PABPC4L: variants seen among roughly 807,000 people sequenced by gnomAD.
The protein encoded by PABPC4L is polyadenylate-binding protein 4-like.
For missense variants in PABPC4L, 452 were observed against 451.4 expected, an observed-to-expected ratio of 1.00 and a Z score of -0.01; for synonymous variants, 169 against 164.1, an observed-to-expected ratio of 1.03 and a Z score of -0.23.
chr4:134,055,729 G>A, the PABPC4L span, among the ~76,000 whole-genome samples: 1 of 139,238 alleles, frequency 7.2e-6, no homozygotes, highest in Non-Finnish European at 1.5e-5. Flanking sequence ...CTAGTGCTTT[G>A]TCATAAACAT....
chr4:134,029,890 C>T, the PABPC4L span, among the ~76,000 whole-genome samples: 1 of 151,990 alleles, frequency 6.6e-6, no homozygotes, highest in South Asian at 2.1e-4. Context: ...GTAATTGAAT[C>T]ATGGGGACAG....
At chr4:133,962,176 T>C in the PABPC4L span, among the ~76,000 whole-genome samples, 2 of 152,050 alleles carry the variant, frequency 1.3e-5, no homozygotes, top group African/African-American at 4.8e-5. Flanking sequence ...TTAACCCAAA[T>C]GAGAAGGAAC....
the PABPC4L span, among the ~76,000 whole-genome samples, chr4:134,099,891 T>C: frequency 6.6e-6 from 1 of 151,742 alleles, no homozygotes; most frequent in Non-Finnish European, 1.5e-5. Flanking sequence ...AGTTTCAATT[T>C]TGTAACATCT....
At chr4:133,971,370 C>G in the PABPC4L span, among the ~76,000 whole-genome samples, 10 of 152,132 alleles carry the variant, frequency 6.6e-5, no homozygotes, top group Non-Finnish European at 1.3e-4. Context: ...CTCATTCTTC[C>G]AAAGTGCTGG....
chr4:134,092,492 A>T, the PABPC4L span, among the ~76,000 whole-genome samples: 1 of 152,074 alleles, frequency 6.6e-6, no homozygotes, highest in African/African-American at 2.4e-5. Context: ...CCTGGATACC[A>T]GACAAGAACC....
At chr4:133,970,873 C>A in the PABPC4L span, among the ~76,000 whole-genome samples, 1 of 152,142 alleles carries the variant, frequency 6.6e-6, no homozygotes, top group Non-Finnish European at 1.5e-5. Flanking sequence ...TGACCAGACA[C>A]AAAATCTGCC....
the PABPC4L span, among the ~76,000 whole-genome samples, chr4:134,107,706 T>C: frequency 1.3e-5 from 2 of 151,680 alleles, no homozygotes; most frequent in Non-Finnish European, 3.0e-5. Context: ...GATTGGTTTA[T>C]AAACAGCATA....
the PABPC4L span, among the ~76,000 whole-genome samples, chr4:134,085,870 G>A: frequency 5.9e-5 from 9 of 152,086 alleles, no homozygotes; most frequent in Admixed American, 3.3e-4. Context: ...GAGCATTCAC[G>A]TACATTTCTT....
the PABPC4L span, among the ~76,000 whole-genome samples, chr4:134,061,620 CAGAGAGAGAGAGAGAG>C: frequency 1.9e-4 from 27 of 143,454 alleles, no homozygotes; most frequent in East Asian, 4.3e-4. Flanking sequence ...CAAACATACA[CAGAGAGAGAGAGAGAG>C]AGAGAGAGAG....
chr4:134,009,308 T>C, the PABPC4L span, among the ~76,000 whole-genome samples: 1 of 151,994 alleles, frequency 6.6e-6, no homozygotes, highest in Non-Finnish European at 1.5e-5. Flanking sequence ...CAATACAGAT[T>C]TGAACATCTT....
the PABPC4L span, among the ~76,000 whole-genome samples, chr4:134,086,026 A>G: frequency 2.0e-5 from 3 of 152,132 alleles, no homozygotes; most frequent in Non-Finnish European, 4.4e-5. Context: ...AATCACTTCT[A>G]ACAATAGTGA....
chr4:134,021,865 C>T, the PABPC4L span, among the ~76,000 whole-genome samples: 1 of 152,044 alleles, frequency 6.6e-6, no homozygotes, highest in Non-Finnish European at 1.5e-5. Context: ...AACTTCTAGA[C>T]ACCATTTCCT....
chr4:133,998,155 C>T, the PABPC4L span, among the ~76,000 whole-genome samples: 3 of 151,458 alleles, frequency 2.0e-5, no homozygotes, highest in African/African-American at 7.3e-5. Flanking sequence ...AAACCTTTTC[C>T]TATCCTATGG....
chr4:133,987,352 A>G, the PABPC4L span, among the ~76,000 whole-genome samples: 1 of 152,182 alleles, frequency 6.6e-6, no homozygotes, highest in South Asian at 2.1e-4. Context: ...ATTCAGGGCC[A>G]GAAGACAAAT....
the PABPC4L span, among the ~76,000 whole-genome samples, chr4:134,070,860 A>G: frequency 6.6e-6 from 1 of 152,104 alleles, no homozygotes; most frequent in African/African-American, 2.4e-5. Context: ...AAGAGAGAAC[A>G]CAGATCAGAC....
chr4:133,956,368 T>C, the PABPC4L span, among the ~76,000 whole-genome samples: 1 of 152,182 alleles, frequency 6.6e-6, no homozygotes, highest in Non-Finnish European at 1.5e-5. Flanking sequence ...CATGAAAAGA[T>C]AGCAAAAGGA....
At chr4:134,036,376 A>C in the PABPC4L span, among the ~76,000 whole-genome samples, 1 of 152,106 alleles carries the variant, frequency 6.6e-6, no homozygotes, top group East Asian at 1.9e-4. Context: ...CTGAGGATCA[A>C]CTTTGCTGCA....
the PABPC4L span, among the ~76,000 whole-genome samples, chr4:134,135,779 G>A: frequency 6.6e-6 from 1 of 152,054 alleles, no homozygotes; most frequent in Non-Finnish European, 1.5e-5. Flanking sequence ...GTTGTAGTGG[G>A]CGGAGATAGC....
chr4:134,125,839 TA>T, the PABPC4L span, among the ~76,000 whole-genome samples: 1 of 151,962 alleles, frequency 6.6e-6, no homozygotes, highest in Non-Finnish European at 1.5e-5. Flanking sequence ...TTTGATGCTT[TA>T]AAAAAACTGT....
Sources: allele counts gnomAD v4.1 joint callset (sites outside exome capture counted in the v4.1 genomes callset), GRCh38; gene constraint gnomAD v4.1.1; transcripts MANE v1.5; gene names NCBI Gene and HGNC (gene_info 2026-07-23, HGNC 2026-07-21).